The following FGD3 variants were observed in gnomAD, a reference collection of about 807,000 sequenced individuals.
FGD3 encodes FYVE, RhoGEF and PH domain-containing protein 3.
FGD3 carries 45 observed loss-of-function variants against 71.8 expected under a neutral mutation model. That is an observed-to-expected ratio of 0.63 (90% confidence interval 0.49 to 0.80). FGD3 has a LOEUF of 0.80. Among genes scored for constraint, FGD3 ranks in the 30% least tolerant of loss-of-function variants. FGD3 has a pLI of 0.00. For synonymous variants in FGD3, 378 were observed against 392.8 expected (o/e 0.96, Z 0.44); for missense variants, 844 against 951.5 (o/e 0.89, Z 1.49).
intron 3 of FGD3, among the ~76,000 whole-genome samples, chr9:92,996,380 G>A (rs1290755408): frequency 6.6e-6 from 1 of 151,882 alleles, no homozygotes; most frequent in Non-Finnish European, 1.5e-5. Context: ...TTCTTTATTA[G>A]TCTTGCTAAT....
chr9:93,034,377 C>T (rs1862502245), intron 16 of FGD3, 164 bp from the exon 17 acceptor site: 2 of 921,692 alleles, frequency 2.2e-6, no homozygotes, highest in Admixed American at 2.8e-5. Flanking sequence ...TCTAGTGACC[C>T]TTGCAAGCCG....
At chr9:93,019,967 C>A in intron 12 of FGD3, 106 bp downstream of exon 12, 2 of 1,208,158 alleles carry the variant, frequency 1.7e-6, no homozygotes, top group Non-Finnish European at 2.5e-6. Context: ...GGACTGCTGG[C>A]CCTGTGCTGT....
chr9:92,984,797 T>C (rs1322468721), intron 3 of FGD3, among the ~76,000 whole-genome samples: 1 of 151,440 alleles, frequency 6.6e-6, no homozygotes, highest in African/African-American at 2.4e-5. Flanking sequence ...TAAAGGGGTG[T>C]GAATCTTTTT....
chr9:92,990,207 G>A (rs1388656155), intron 3 of FGD3, among the ~76,000 whole-genome samples: 1 of 152,114 alleles, frequency 6.6e-6, no homozygotes, highest in Non-Finnish European at 1.5e-5. Context: ...GGAGGCTGAG[G>A]TGGGAGGACT....
In FGD3 at chr9:93,003,972, T is replaced by A; in HGVS notation, c.544-29T>A. 6.2e-7 allele frequency: 1 copy of A among 1,613,088 alleles called. No individual in the cohort carries two copies. Among genetic ancestry groups the A allele is most frequent in the Non-Finnish European group, 8.5e-7 (1 of 1,179,492 alleles). The stretch of plus-strand genomic sequence containing the variant: ...ACTGTGCTCAGTGGAAGAGGCTCAC[T>A]GGCCACACGTGGGCTTCTCTATGCT... On this transcript the variant is annotated intron_variant, in intron 4 of 17. Coordinates refer to ENST00000375482, the MANE Select transcript of FGD3 (RefSeq NM_001083536.2). This position sits in a 1 kb window ranked among gnomAD's most constrained non-coding sequence, Gnocchi z 4.1.
chr9:93,015,005 C>T (rs1218138268), intron 9 of FGD3, among the ~76,000 whole-genome samples: 3 of 150,264 alleles, frequency 2.0e-5, no homozygotes, highest in East Asian at 2.0e-4. Context: ...AGCAAGCGCT[C>T]GCCTGCCCTG....
chr9:92,986,500 C>T (rs1316946133), intron 3 of FGD3, among the ~76,000 whole-genome samples: 1 of 152,180 alleles, frequency 6.6e-6, no homozygotes, highest in Non-Finnish European at 1.5e-5. Flanking sequence ...CCTTTATATG[C>T]TTACAAAAAT....
intron 1 of FGD3, among the ~76,000 whole-genome samples, chr9:92,958,068 G>A (rs931863346): frequency 7.6e-5 from 11 of 145,114 alleles, no homozygotes; most frequent in East Asian, 6.1e-4. Context: ...GCATGATCTC[G>A]GCTCACTGCA....
intron 3 of FGD3, among the ~76,000 whole-genome samples, chr9:92,980,177 C>T (rs573770035): frequency 5.3e-5 from 8 of 152,142 alleles, no homozygotes; most frequent in Non-Finnish European, 1.0e-4. Flanking sequence ...TGTGCCACCA[C>T]GCCCAGCTAA....
At chr9:92,993,929 T>A (rs1397810445) in intron 3 of FGD3, among the ~76,000 whole-genome samples, 1 of 152,224 alleles carries the variant, frequency 6.6e-6, no homozygotes, top group Non-Finnish European at 1.5e-5. Context: ...TAAACATACA[T>A]GTGCATGTGT....
intron 6 of FGD3, among the ~76,000 whole-genome samples, chr9:93,008,962 C>A (rs1171970047): frequency 3.0e-4 from 41 of 137,884 alleles, no homozygotes; most frequent in Non-Finnish European, 4.4e-4. Flanking sequence ...AAGACTCCAT[C>A]AAAAAAAAAA....
chr9:93,015,364 GAGA>G (rs929514702), intron 9 of FGD3, among the ~76,000 whole-genome samples: 5 of 152,140 alleles, frequency 3.3e-5, no homozygotes, highest in Admixed American at 2.0e-4. Flanking sequence ...GCTGAGGCAG[GAGA>G]AGCTCTTAAA....
chr9:93,010,748 C>T (rs1861307704), intron 7 of FGD3, among the ~76,000 whole-genome samples: 1 of 147,038 alleles, frequency 6.8e-6, no homozygotes, highest in East Asian at 2.0e-4. Flanking sequence ...AGAGAGAGAA[C>T]AAGTGAGCCC....
At chr9:93,034,714 C>T in intron 17 of FGD3, 33 bp downstream of exon 17, 2 of 1,601,254 alleles carry the variant, frequency 1.2e-6, no homozygotes, top group Non-Finnish European at 1.7e-6. Flanking sequence ...GCCCTCAGGC[C>T]AGCAGCCCAG....
At chr9:93,012,830 C>T (rs1394428278) in intron 8 of FGD3, among the ~76,000 whole-genome samples, 30 of 152,298 alleles carry the variant, frequency 2.0e-4, no homozygotes. Flanking sequence ...TGGCTCTGTG[C>T]TCACCCAGCC....
rs186206479 is a variant in FGD3, at chr9:92,988,046, G to A, written c.453+11337G>A. ...GCAGGATTTTTTGCTCCTTAGTTCA[G>A]CTAAAATCCGGGTTCTTGTCTCATT... On this transcript the variant is annotated intron_variant, in intron 3 of 17. Coordinates refer to ENST00000375482, the MANE Select transcript of FGD3 (RefSeq NM_001083536.2). Among the ~76,000 whole-genome samples, 336 of 152,254 alleles carry A rather than the reference G, an allele frequency of 2.2e-3. 1 individual carries two copies. The highest frequency in any genetic ancestry group is 3.6e-3 in the Admixed American group (55 of 15,286).
chr9:93,000,345 AT>A (rs565491210), intron 3 of FGD3, among the ~76,000 whole-genome samples: 3 of 152,152 alleles, frequency 2.0e-5, no homozygotes, highest in Non-Finnish European at 4.4e-5. Context: ...AGTACAAATT[AT>A]TGTATTTATC....
chr9:93,022,743 CAT>C (rs768684942), intron 14 of FGD3, among the ~76,000 whole-genome samples: 3 of 152,134 alleles, frequency 2.0e-5, no homozygotes, highest in Admixed American at 1.3e-4. Flanking sequence ...ATGCTCTTAA[CAT>C]GTGTGAATCG....
chr9:92,999,769 T>C (rs1417145627), intron 3 of FGD3, among the ~76,000 whole-genome samples: 2 of 151,928 alleles, frequency 1.3e-5, no homozygotes, highest in African/African-American at 4.8e-5. Context: ...AATTTTTGTA[T>C]TTTTAGTTGA....
Sources: allele counts gnomAD v4.1 joint callset (sites outside exome capture counted in the v4.1 genomes callset), GRCh38; gene constraint gnomAD v4.1.1; non-coding constraint Gnocchi (gnomAD v3.1); transcripts MANE v1.5; gene names NCBI Gene and HGNC (gene_info 2026-07-23, HGNC 2026-07-21).